Variants in DSE observed in about 807,000 individuals in gnomAD.
DSE encodes the protein dermatan sulfate epimerase, also known as dermatan-sulfate epimerase.
A neutral mutation model predicts 84.4 loss-of-function variants in DSE; 36 were observed. The ratio of observed to expected loss-of-function variants is 0.43; its 90% confidence interval spans 0.33 to 0.56. The LOEUF is 0.56. Ranked by LOEUF, DSE falls within the 20% of genes least tolerant of loss-of-function variation. The pLI is 0.06. For synonymous variants in DSE, 410 were observed against 430.1 expected (o/e 0.95, Z 0.58); for missense variants, 862 against 1,169.6 (o/e 0.74, Z 3.84).
chr6:116,361,351 A>T (rs1262721520), intron 2 of DSE, among the ~76,000 whole-genome samples: 1 of 152,110 alleles, frequency 6.6e-6, no homozygotes, highest in Non-Finnish European at 1.5e-5. Flanking sequence ...GAGCCACTGC[A>T]CCCGGCCGAA....
At chr6:116,403,378 A>G (rs1014054872) in intron 2 of DSE, among the ~76,000 whole-genome samples, 6 of 151,782 alleles carry the variant, frequency 4.0e-5, no homozygotes, top group Non-Finnish European at 8.8e-5. Context: ...TACAATGGCA[A>G]AGATATCAGC....
chr6:116,368,234 G>A (rs993812438), upstream of DSE, among the ~76,000 whole-genome samples: 11 of 152,156 alleles, frequency 7.2e-5, no homozygotes, highest in African/African-American at 2.4e-4. Context: ...TACACAGGCT[G>A]CTACCCTGGG....
At chr6:116,345,888 G>C (rs1777930259) in intron 2 of DSE, among the ~76,000 whole-genome samples, 1 of 151,858 alleles carries the variant, frequency 6.6e-6, no homozygotes, top group Non-Finnish European at 1.5e-5. Context: ...TAATAAAGAA[G>C]AAAAGAGAGA....
chr6:116,354,745 TTC>T (rs937460329), intron 2 of DSE, among the ~76,000 whole-genome samples: 12 of 152,274 alleles, frequency 7.9e-5, no homozygotes, highest in African/African-American at 2.6e-4. Flanking sequence ...AATTATAATT[TTC>T]TGTTTATTTT....
At chr6:116,314,030 C>T (rs939492397) in intron 2 of DSE, among the ~76,000 whole-genome samples, 1 of 152,168 alleles carries the variant, frequency 6.6e-6, no homozygotes, top group Non-Finnish European at 1.5e-5. Flanking sequence ...TTACATTTTA[C>T]TTATCTTTGT....
At chr6:116,431,611 A>T (rs1377066661) in intron 4 of DSE, among the ~76,000 whole-genome samples, 2 of 152,158 alleles carry the variant, frequency 1.3e-5, no homozygotes, top group Non-Finnish European at 2.9e-5. Context: ...TTTCTTTCAA[A>T]CTATACAGAC....
At chr6:116,357,586 AAC>A (rs1478410801) in intron 2 of DSE, among the ~76,000 whole-genome samples, 2 of 152,124 alleles carry the variant, frequency 1.3e-5, no homozygotes, top group South Asian at 2.1e-4. Context: ...TTGCTTATAT[AAC>A]AGTTATTTTA....
chr6:116,382,882 A>C (rs1303242030), intron 1 of DSE, among the ~76,000 whole-genome samples: 5 of 152,204 alleles, frequency 3.3e-5, no homozygotes, highest in Non-Finnish European at 7.3e-5. Flanking sequence ...ATATCCCCAG[A>C]GTGATAGAAA....
intron 2 of DSE, among the ~76,000 whole-genome samples, chr6:116,418,787 T>C (rs79305813): frequency 0.011 from 1,670 of 152,306 alleles, 42 homozygotes; most frequent in African/African-American, 0.036. Context: ...TAGATTCAGA[T>C]AATTCAGATA....
intron 2 of DSE, among the ~76,000 whole-genome samples, chr6:116,349,200 C>T (rs550772389): frequency 3.3e-5 from 5 of 152,052 alleles, no homozygotes; most frequent in Middle Eastern, 3.4e-3. Flanking sequence ...TACATATATA[C>T]ATATATCTAC....
intron 2 of DSE, among the ~76,000 whole-genome samples, chr6:116,285,297 TG>T (rs1261724994): frequency 9.7e-4 from 148 of 152,374 alleles, no homozygotes; most frequent in African/African-American, 3.5e-3. Flanking sequence ...TTCATGTGTC[TG>T]TAGGCTGTAT....
intron 1 of DSE, among the ~76,000 whole-genome samples, chr6:116,372,673 T>C (rs909908449): frequency 5.3e-5 from 8 of 152,222 alleles, no homozygotes; most frequent in Admixed American, 1.3e-4. Flanking sequence ...GATACAGATA[T>C]AAGTTCTTTT....
chr6:116,397,207 C>CTTTTTTTT (rs11296951), intron 1 of DSE, among the ~76,000 whole-genome samples: 16 of 105,160 alleles, frequency 1.5e-4, no homozygotes, highest in African/African-American at 1.9e-4. Context: ...CTCTTTCTTT[C>CTTTTTTTT]TTTTTTTTTT....
exon 1 of DSE, chr6:116,254,242 A>G (rs1300877103): frequency 1.4e-6 from 1 of 698,044 alleles, no homozygotes; most frequent in Admixed American, 2.0e-5. Flanking sequence ...GAATTTCGTC[A>G]GTCTGGAAGG....
intron 2 of DSE, among the ~76,000 whole-genome samples, chr6:116,294,850 C>T (rs945754006): frequency 7.2e-5 from 11 of 152,152 alleles, no homozygotes; most frequent in Admixed American, 1.3e-4. Context: ...TACCAATTAC[C>T]AGTGGAAAGC....
chr6:116,365,578 G>T (rs1312787966), upstream of DSE, among the ~76,000 whole-genome samples: 2 of 152,192 alleles, frequency 1.3e-5, no homozygotes, highest in Non-Finnish European at 2.9e-5. Flanking sequence ...TCTCCAGATG[G>T]TTCTAATGTG....
At chr6:116,320,781 A>G (rs913805321) in intron 2 of DSE, among the ~76,000 whole-genome samples, 1 of 152,182 alleles carries the variant, frequency 6.6e-6, no homozygotes, top group Non-Finnish European at 1.5e-5. Context: ...TAAGGACACC[A>G]GTGATATTGG....
chr6:116,317,701 T>C (rs1562225922), intron 2 of DSE, among the ~76,000 whole-genome samples: 1 of 152,264 alleles, frequency 6.6e-6, no homozygotes, highest in African/African-American at 2.4e-5. Context: ...CTGGTTATTA[T>C]AGACCATGAA....
chr6:116,396,088 A>G (rs2114986318), intron 1 of DSE, among the ~76,000 whole-genome samples: 1 of 152,284 alleles, frequency 6.6e-6, no homozygotes, highest in Middle Eastern at 3.4e-3. Flanking sequence ...ATAAGGGGGA[A>G]CAAAGTTTCT....
Sources: allele counts gnomAD v4.1 joint callset (sites outside exome capture counted in the v4.1 genomes callset), GRCh38; gene constraint gnomAD v4.1.1; transcripts MANE v1.5; gene names NCBI Gene and HGNC (gene_info 2026-07-23, HGNC 2026-07-21).